GPRIN1: variants seen among roughly 807,000 people sequenced by gnomAD.
The protein encoded by GPRIN1 is G protein-regulated inducer of neurite outgrowth 1.
GPRIN1 carries 4 observed loss-of-function variants against 2.8 expected under a neutral mutation model. The ratio of observed to expected loss-of-function variants is 1.45; its 90% CI spans 0.71 to 3.32. The LOEUF (loss-of-function observed/expected upper bound fraction) is 3.32, where lower values mean the gene tolerates loss of function less well. Ranked by LOEUF, GPRIN1 falls within the 30% of genes most tolerant of loss-of-function variation. The pLI, the probability that GPRIN1 is intolerant of heterozygous loss-of-function variation, is 0.01. For missense variants in GPRIN1, 1,322 were observed against 1,343.4 expected (o/e 0.98, Z 0.25); for synonymous variants, 589 against 589.9 (o/e 1.00, Z 0.02).
chr5:176,603,564 G>T (rs1000191224), intron 1 of GPRIN1, among the ~76,000 whole-genome samples: 3 of 152,186 alleles, frequency 2.0e-5, no homozygotes, highest in Non-Finnish European at 4.4e-5. Flanking sequence ...CTTATGAGGT[G>T]GGGGAGGGGG....
At chr5:176,599,964 TG>T in intron 1 of GPRIN1, 87 bp from the exon 2 acceptor site, 1 of 886,602 alleles carries the variant, frequency 1.1e-6, no homozygotes, top group Non-Finnish European at 1.6e-6. Context: ...CTGAGTGCTG[TG>T]TCCCATCTGG....
Position 176,596,968 on chromosome 5 carries a change from G to A in GPRIN1, c.2867C>T (p.Ala956Val). ...IEEHGRQGAP[A>V]PPPAARAGPG... The stretch of plus-strand genomic sequence containing the variant: ...GCCGGCACGGGCGGCGGGCGGCGGC[G>A]CGGGCGCCCCTTGGCGGCCGTGCTC... Residue 956 changes from alanine to valine, a missense_variant, in exon 2 of 2, where the codon GCG becomes GTG. Transcript: ENST00000303991. The surrounding 1 kb of genome is among the most constrained non-coding windows in gnomAD (Gnocchi z 5.2). The A allele has an allele frequency of 7.4e-7, 1 of 1,348,692 alleles. No homozygotes were observed. The highest frequency in any genetic ancestry group is 9.5e-7 in the Non-Finnish European group (1 of 1,048,276). The allele number at this position is 1,348,692 out of a possible 1,614,324, so 83.5% of individuals were successfully genotyped here. A position where few individuals can be genotyped will look rare whatever the true frequency, so the allele number is the denominator to read the frequency against.
At position 176,598,079 on chromosome 5, in the gene GPRIN1, G is replaced by T. The variant is rs775259835; in HGVS notation, c.1756C>A (p.Pro586Thr). 3 of 1,613,796 alleles carry T rather than the reference G, an allele frequency of 1.9e-6. No individual in the cohort carries two copies. The highest frequency in any genetic ancestry group is 2.2e-5 in the South Asian group (2 of 91,074). The change falls in exon 2 of 2, where the codon CCC (proline) becomes ACC (threonine). Residue 586 changes from proline (P) to threonine (T), a missense_variant. Physicochemically the swap from Pro to Thr is conservative, Grantham distance 38. Coordinates refer to ENST00000303991, the MANE Select transcript of GPRIN1 (RefSeq NM_052899.3). The part of the protein sequence containing the change: ...VSTPGKTVPV[P>T]SGKVDPVSLG... ...GACACGGGATCCACCTTCCCCGAGG[G>T]CACCGGGACTGTTTTTCCTGGAGTT...
intron 1 of GPRIN1, among the ~76,000 whole-genome samples, chr5:176,609,059 A>G (rs1238348682): frequency 6.6e-6 from 1 of 152,178 alleles, no homozygotes; most frequent in Non-Finnish European, 1.5e-5. Context: ...CCATGCATAC[A>G]TACATACATA....
rs1340506636 is a variant in GPRIN1 at position 176,603,000 on chromosome 5, C to T, written c.-43-3123G>A. 1.3e-5 allele frequency among the ~76,000 whole-genome samples: 2 copies of T among 152,110 alleles called. No homozygotes were observed. Among genetic ancestry groups the T allele is most frequent in the East Asian group, 1.9e-4 (1 of 5,198 alleles). On this transcript the variant is annotated intron_variant, in intron 1 of 1. Transcript: ENST00000303991. The surrounding 1 kb of genome is among the most constrained non-coding windows in gnomAD (Gnocchi z 4.4). ...AGTGACTGCCTCTCAGAAGGAAGAG[C>T]GGGGATCTGAGGGTGGGAGAAGCTT...
Position 176,598,937 on chromosome 5 carries a change from T to G in GPRIN1, c.898A>C (p.Met300Leu), listed in dbSNP as rs6556276. ...DPGPSGKADP[M>L]PLESMDSAST... ...GCAGAATCCATGCTTTCCAAGGGCA[T>G]GGGATCTGCCTTTCCCGAGGGCCCA... is the stretch of plus-strand genomic sequence containing the variant. The change falls in exon 2 of 2, where the codon ATG becomes CTG. Residue 300 changes from methionine (M) to leucine (L), a missense_variant. By Grantham distance (15) the Met-to-Leu change is conservative. Transcript: ENST00000303991. 2 of 1,614,084 alleles carry G rather than the reference T, an allele frequency of 1.2e-6. No homozygotes were observed. Among genetic ancestry groups the G allele is most frequent in the African/African-American group, 2.7e-5 (2 of 74,934 alleles).
intron 1 of GPRIN1, among the ~76,000 whole-genome samples, chr5:176,600,577 AG>A (rs1759130419): frequency 6.6e-6 from 1 of 152,316 alleles, no homozygotes; most frequent in Non-Finnish European, 1.5e-5. Flanking sequence ...ATAAGACAAA[AG>A]GGAGTGGTGG....
chr5:176,609,275 A>G (rs1316379885), intron 1 of GPRIN1, among the ~76,000 whole-genome samples: 1 of 152,128 alleles, frequency 6.6e-6, no homozygotes, highest in Non-Finnish European at 1.5e-5. Flanking sequence ...TGTTGTGATC[A>G]GGGAGTATTG....
chr5:176,598,337 A>G lies in GPRIN1; in HGVS notation c.1498T>C (p.Leu500=). 1.2e-6 allele frequency: 2 copies of G among 1,613,758 alleles called. No homozygotes were observed. Among genetic ancestry groups the G allele is most frequent in the Non-Finnish European group, 1.7e-6 (2 of 1,179,706 alleles). The change falls in exon 2 of 2, where the codon TTG becomes CTG. Residue 500 remains leucine, a synonymous_variant. Coordinates refer to ENST00000303991, the MANE Select transcript of GPRIN1 (RefSeq NM_052899.3). ...GCAGATGGGGGACCTGCTGTCCCCA[A>G]GGACCTGGGATCGCCTGGACCTGAA... is the stretch of plus-strand genomic sequence containing the variant. ...VSSGPGDPRS[L]GTAGPPSAVK... is the part of the protein sequence containing the mutation.
Position 176,596,830 on chromosome 5 carries a change from C to T in GPRIN1, c.3005G>A (p.Arg1002Gln), listed in dbSNP as rs1462824788. ...QSVRRPRCCS[R>Q]AGPTAE ...AGATCACTCGGCCGTGGGTCCCGCCCGCGAGCAGCACCGCGGCCGGCGCAC... is the reference window on the plus strand; with the variant it reads ...AGATCACTCGGCCGTGGGTCCCGCCTGCGAGCAGCACCGCGGCCGGCGCAC... The change falls in exon 2 of 2, where the codon CGG (arginine) becomes CAG (glutamine). Residue 1002 changes from arginine to glutamine, a missense_variant. By Grantham distance (43) the Arg-to-Gln change is conservative. Coordinates refer to ENST00000303991, the MANE Select transcript of GPRIN1 (RefSeq NM_052899.3). This position sits in a 1 kb window ranked among gnomAD's most constrained non-coding sequence, Gnocchi z 5.2. 2.1e-6 allele frequency: 3 copies of T among 1,413,602 alleles called. No homozygotes were observed. The highest frequency in any genetic ancestry group is 3.1e-5 in the South Asian group (2 of 64,116). The allele number at this position is 1,413,602 out of a possible 1,614,324, so 87.6% of individuals were successfully genotyped here. A position where few individuals can be genotyped will look rare whatever the true frequency, so the allele number is the denominator to read the frequency against.
Position 176,610,120 on chromosome 5 carries a change from G to T in GPRIN1, c.-165C>A, listed in dbSNP as rs1319282305. ...GGCTGGCGGGAGGACCCGCAGACTCGGCGCCGCCGTCCCCAGCGCCGGCTC... is the reference window on the plus strand; with the variant it reads ...GGCTGGCGGGAGGACCCGCAGACTCTGCGCCGCCGTCCCCAGCGCCGGCTC... On this transcript the variant is annotated 5_prime_UTR_variant, in exon 1 of 2. Coordinates refer to ENST00000303991, the MANE Select transcript of GPRIN1 (RefSeq NM_052899.3). 3 of 149,428 alleles carry T rather than the reference G, an allele frequency of 2.0e-5. No individual in the cohort carries two copies. Among genetic ancestry groups the T allele is most frequent in the South Asian group, 1.8e-4 (1 of 5,620 alleles). 9.3% of individuals were successfully genotyped at this position (149,428 alleles called of 1,614,324 possible). A position where few individuals can be genotyped will look rare whatever the true frequency, so the allele number is the denominator to read the frequency against.
At chr5:176,608,580 A>G (rs1054315576) in intron 1 of GPRIN1, among the ~76,000 whole-genome samples, 23 of 152,328 alleles carry the variant, frequency 1.5e-4, no homozygotes, top group African/African-American at 5.5e-4. Flanking sequence ...TGTTGTGCGT[A>G]TGTACACCCT....
chr5:176,606,582 G>A (rs1759223323), intron 1 of GPRIN1, among the ~76,000 whole-genome samples: 2 of 152,144 alleles, frequency 1.3e-5, no homozygotes, highest in African/African-American at 4.8e-5. Flanking sequence ...AGATGGGGGT[G>A]TACTCTCCAA....
At chr5:176,604,860 A>AG (rs1161882013) in intron 1 of GPRIN1, among the ~76,000 whole-genome samples, 5 of 151,864 alleles carry the variant, frequency 3.3e-5, no homozygotes, top group Non-Finnish European at 7.4e-5. Flanking sequence ...CAGCCTCCCA[A>AG]GTAGCTGGGA....
In GPRIN1 at chr5:176,610,045, C is replaced by CCTGGGCGAGATGCGCTCCGGCTCCCG. The variant is rs1759292221; in HGVS notation, c.-91_-90insCGGGAGCCGGAGCGCATCTCGCCCAG. On this transcript the variant is annotated 5_prime_UTR_variant, in exon 1 of 2. Coordinates refer to ENST00000303991, the MANE Select transcript of GPRIN1 (RefSeq NM_052899.3). ...CTCCTGGGCGAGATGCGCTCCGGCT[C>CCTGGGCGAGATGCGCTCCGGCTCCCG]CCGCCGCCGCCGCCGCCGCCGCCCG... The CCTGGGCGAGATGCGCTCCGGCTCCCG allele has an allele frequency of 1.3e-5, 2 of 151,608 alleles. No individual in the cohort carries two copies. Among genetic ancestry groups the CCTGGGCGAGATGCGCTCCGGCTCCCG allele is most frequent in the Admixed American group, 6.7e-5 (1 of 14,968 alleles). The allele number at this position is 151,608 out of a possible 1,614,324, so 9.4% of individuals were successfully genotyped here.
intron 1 of GPRIN1, 37 bp from the exon 2 acceptor site, chr5:176,599,914 G>T: frequency 7.9e-7 from 1 of 1,268,016 alleles, no homozygotes; most frequent in Non-Finnish European, 1.0e-6. Flanking sequence ...ACTTCCCAAA[G>T]CTCAGTGGGG....
chr5:176,596,775 G>C lies in GPRIN1; in HGVS notation c.*33C>G. The C allele has an allele frequency of 7.1e-7, 1 of 1,401,958 alleles. No homozygotes were observed. The highest frequency in any genetic ancestry group is 9.3e-7 in the Non-Finnish European group (1 of 1,077,744). The allele number at this position is 1,401,958 out of a possible 1,614,324, so 86.8% of individuals were successfully genotyped here. A position where few individuals can be genotyped will look rare whatever the true frequency, so the allele number is the denominator to read the frequency against. On this transcript the variant is annotated 3_prime_UTR_variant, in exon 2 of 2. Coordinates refer to ENST00000303991, the MANE Select transcript of GPRIN1 (RefSeq NM_052899.3). The surrounding 1 kb of genome is among the most constrained non-coding windows in gnomAD (Gnocchi z 5.2). ...GTGATCAAGAAGGGAGCCTGAGAAG[G>C]TCGGAAACTCGGGCGTACAAAATGG...
In GPRIN1 at chr5:176,597,291, C is replaced by T; in HGVS notation, c.2544G>A (p.Ala848=). Residue 848 remains alanine, a synonymous_variant, in exon 2 of 2, where the codon GCG becomes GCA. Transcript: ENST00000303991. The surrounding 1 kb of genome is among the most constrained non-coding windows in gnomAD (Gnocchi z 6.1). ...CATCTCGGCGCGAGGGCGGGCTGGG[C>T]GCGCGCGGCGCCGCCTGGAAGCTGA... is the stretch of plus-strand genomic sequence containing the variant. ...SAFSFQAAPR[A]PSPPSRRDAG... 8.1e-7 allele frequency: 1 copy of T among 1,234,502 alleles called. No individual in the cohort carries two copies. Among genetic ancestry groups the T allele is most frequent in the Non-Finnish European group, 1.0e-6 (1 of 991,010 alleles). 76.5% of individuals were successfully genotyped at this position (1,234,502 alleles called of 1,614,324 possible).
At position 176,597,092 on chromosome 5, in the gene GPRIN1, A is replaced by T. The variant is rs1226554455; in HGVS notation, c.2743T>A (p.Trp915Arg). 4 of 1,493,140 alleles carry T rather than the reference A, an allele frequency of 2.7e-6. No homozygotes were observed. Among genetic ancestry groups the T allele is most frequent in the Non-Finnish European group, 3.6e-6 (4 of 1,118,296 alleles). The allele number at this position is 1,493,140 out of a possible 1,614,324, so 92.5% of individuals were successfully genotyped here. The change falls in exon 2 of 2, where the codon TGG (tryptophan) becomes AGG (arginine). Residue 915 changes from tryptophan to arginine, a missense_variant. Around this residue, in one of 3 missense-constraint regions of GPRIN1, gnomAD observed 196 missense variants for 189.2 expected, o/e 1.04. Transcript: ENST00000303991. This position sits in a 1 kb window ranked among gnomAD's most constrained non-coding sequence, Gnocchi z 6.1. The part of the protein sequence containing the change: ...EPAEPVRDVS[W>R]DEKGMTWEVY... The stretch of plus-strand genomic sequence containing the variant: ...TCCCACGTCATGCCCTTCTCGTCCC[A>T]GCTCACGTCTCGCACGGGCTCAGCC...
Sources: gnomAD v4.1 joint callset for allele counts (sites outside exome capture counted in the v4.1 genomes callset) on GRCh38, gnomAD v4.1.1 for gene constraint, gnomAD v4.1.1 regional missense constraint, Gnocchi (gnomAD v3.1) non-coding constraint, MANE v1.5 for transcripts, NCBI Gene and HGNC (gene_info 2026-07-23, HGNC 2026-07-21) for gene names.